The following PLEKHA6 variants were observed in gnomAD, a reference collection of about 807,000 sequenced individuals.
The protein encoded by PLEKHA6 is pleckstrin homology domain-containing family A member 6.
A neutral mutation model predicts 116.7 loss-of-function variants in PLEKHA6; 60 were observed. That is an observed-to-expected ratio of 0.51 (90% CI 0.42 to 0.64). The LOEUF is 0.64. PLEKHA6 is among the 30% of genes least tolerant of loss of function. The probability of loss-of-function intolerance (pLI) is 0.00; values close to 1 mark genes in which losing one functional copy is unlikely to be tolerated. For missense variants in PLEKHA6, 1,338 were observed against 1,422.7 expected (o/e 0.94, Z 0.96); for synonymous variants, 489 against 556.1 (o/e 0.88, Z 1.70).
At chr1:204,299,366 A>G (rs1670592224) in intron 1 of PLEKHA6, among the ~76,000 whole-genome samples, 1 of 152,226 alleles carries the variant, frequency 6.6e-6, no homozygotes, top group South Asian at 2.1e-4. Flanking sequence ...AGGAAGAAAG[A>G]GGAGGGTCAG....
rs762996163 is a variant in PLEKHA6 at position 204,264,994 on chromosome 1, CG to C, written c.328del (p.Arg110GlyfsTer2). ...GTCTGAGGGCTGCACTGCGGCTACC[CG>C]GAAGCTCAGGAGGGGGATGCTGCCC... ...ILGSIPLLSF[R>X]VAAVQPSDNI... On this transcript the variant is annotated frameshift_variant, in exon 6 of 23. Transcript: ENST00000272203. LOFTEE classifies it high-confidence loss of function. 6.2e-7 allele frequency: 1 copy of C among 1,614,152 alleles called. No individual in the cohort carries two copies. The highest frequency in any genetic ancestry group is 1.1e-5 in the South Asian group (1 of 91,084).
Position 204,357,319 on chromosome 1 carries a change from G to C in PLEKHA6, c.-95+2375C>G, listed in dbSNP as rs1230448757. Among the ~76,000 whole-genome samples the C allele has an allele frequency of 3.9e-5, 6 of 152,350 alleles. No individual in the cohort carries two copies. The East Asian group carries it at 9.6e-4, about 24-fold the overall frequency. On this transcript the variant is annotated intron_variant, in intron 1 of 22. Coordinates refer to ENST00000272203, the MANE Select transcript of PLEKHA6 (RefSeq NM_014935.5). ...CTGGATGTGGAGGGAGTCTGGACTA[G>C]ATAGTCTCTGAGGGGCGTCTGAAGG...
chr1:204,297,258 A>C, intron 1 of PLEKHA6: 1 of 935,958 alleles, frequency 1.1e-6, no homozygotes, highest in Non-Finnish European at 1.3e-6. Flanking sequence ...ACATGGATAC[A>C]TGGAGTGTCT....
In PLEKHA6 at chr1:204,259,728, T is replaced by C. The variant is rs779974718; in HGVS notation, c.537A>G (p.Pro179=). The C allele has an allele frequency of 1.8e-5, 29 of 1,609,524 alleles. No homozygotes were observed. The highest frequency in any genetic ancestry group is 2.3e-5 in the Non-Finnish European group (27 of 1,177,454). ...TGCTGGGTGGGACGTTCTCCGAGTC[T>C]GGCTTCTCATGGCTGCAGGATGCCA... ...PQAVRHSHEK[P]DSENVPPSKH... is the part of the protein sequence containing the mutation. The change falls in exon 8 of 23, where the codon CCA becomes CCG. Residue 179 remains proline, a synonymous_variant. Coordinates refer to ENST00000272203, the MANE Select transcript of PLEKHA6 (RefSeq NM_014935.5). This position sits in a 1 kb window ranked among gnomAD's most constrained non-coding sequence, Gnocchi z 4.6.
In PLEKHA6 at chr1:204,261,451, G is replaced by A; in HGVS notation, c.382-3C>T. The stretch of plus-strand genomic sequence containing the variant: ...GTGCGGACCCCGGCATGCTCAGCCT[G>A]TGGGGAGAGGCAGCGTGTGGAGCTG... On this transcript the variant is annotated splice_region_variant and splice_polypyrimidine_tract_variant and intron_variant, in intron 6 of 22. Transcript: ENST00000272203. The surrounding 1 kb of genome is among the most constrained non-coding windows in gnomAD (Gnocchi z 4.0). 5 of 1,606,036 alleles carry A rather than the reference G, an allele frequency of 3.1e-6. No homozygotes were observed. The highest frequency in any genetic ancestry group is 4.3e-6 in the Non-Finnish European group (5 of 1,175,056).
At chr1:204,271,675 T>A (rs1667466342) in intron 3 of PLEKHA6, among the ~76,000 whole-genome samples, 1 of 152,192 alleles carries the variant, frequency 6.6e-6, no homozygotes, top group African/African-American at 2.4e-5. Flanking sequence ...CTCCTATCTT[T>A]CTGCCACAGC....
intron 1 of PLEKHA6, among the ~76,000 whole-genome samples, chr1:204,339,430 G>C (rs1478549261): frequency 6.6e-6 from 1 of 152,352 alleles, no homozygotes; most frequent in East Asian, 1.9e-4. Flanking sequence ...AACCTGGGCT[G>C]TTACTAGGGA....
intron 1 of PLEKHA6, chr1:204,275,106 G>C (rs1445472362): frequency 5.3e-6 from 1 of 189,782 alleles, no homozygotes. Flanking sequence ...GTTATCCTAA[G>C]TGTGGGGAAG....
chr1:204,321,675 C>T (rs1293326019), intron 1 of PLEKHA6, among the ~76,000 whole-genome samples: 1 of 152,194 alleles, frequency 6.6e-6, no homozygotes, highest in African/African-American at 2.4e-5. Flanking sequence ...CCACTCTGTG[C>T]ATCTGATCTT....
upstream of PLEKHA6, among the ~76,000 whole-genome samples, chr1:204,362,774 C>G (rs940635943): frequency 3.9e-5 from 6 of 152,192 alleles, no homozygotes; most frequent in African/African-American, 1.4e-4. Flanking sequence ...CTCCATCTCC[C>G]AGGCTCAAGC....
intron 1 of PLEKHA6, among the ~76,000 whole-genome samples, chr1:204,288,517 T>G (rs1485903929): frequency 6.6e-6 from 1 of 152,152 alleles, no homozygotes; most frequent in Admixed American, 6.5e-5. Flanking sequence ...GGCGGGCCAA[T>G]AGAGGAACTG....
intron 1 of PLEKHA6, 40 bp from the exon 2 acceptor site, chr1:204,274,849 G>C: frequency 1.0e-6 from 1 of 985,924 alleles, no homozygotes; most frequent in Non-Finnish European, 1.2e-6. Context: ...TAAAGATGAA[G>C]AAGGCAGAGA....
intron 1 of PLEKHA6, among the ~76,000 whole-genome samples, chr1:204,349,539 T>TC (rs1316135594): frequency 4.5e-5 from 2 of 44,586 alleles, no homozygotes; most frequent in Non-Finnish European, 9.3e-5. Flanking sequence ...GGACTCCATC[T>TC]CAAAAAAAAA....
At position 204,277,168 on chromosome 1, in the gene PLEKHA6, C is replaced by T. The variant is rs543038371; in HGVS notation, c.-94-2359G>A. The stretch of plus-strand genomic sequence containing the variant: ...GATGCAGAGTGATTGGTGGCAGAGT[C>T]TCTAGCAGTTCTCCCTCCTCCTGGC... On this transcript the variant is annotated intron_variant, in intron 1 of 22. Transcript: ENST00000272203. The surrounding 1 kb of genome is among the most constrained non-coding windows in gnomAD (Gnocchi z 4.1). 3.9e-5 allele frequency: 6 copies of T among 152,828 alleles called. No individual in the cohort carries two copies. Among genetic ancestry groups the T allele is most frequent in the African/African-American group, 1.4e-4 (6 of 41,578 alleles). The allele number at this position is 152,828 out of a possible 1,614,324, so 9.5% of individuals were successfully genotyped here.
intron 1 of PLEKHA6, among the ~76,000 whole-genome samples, chr1:204,331,561 A>C (rs1166909269): frequency 6.6e-6 from 1 of 152,218 alleles, no homozygotes; most frequent in Non-Finnish European, 1.5e-5. Flanking sequence ...AAAAGGGGAC[A>C]GAGAGTTCAG....
chr1:204,335,179 T>TC (rs1672597835), intron 1 of PLEKHA6, among the ~76,000 whole-genome samples: 1 of 152,002 alleles, frequency 6.6e-6, no homozygotes, highest in Non-Finnish European at 1.5e-5. Flanking sequence ...CCCCTTGGCC[T>TC]CCCAAGGGTT....
intron 1 of PLEKHA6, chr1:204,346,644 A>T: frequency 1.5e-6 from 1 of 648,360 alleles, no homozygotes; most frequent in Non-Finnish European, 2.7e-6. Flanking sequence ...TCACTTCCCA[A>T]TGTGGCCATG....
In PLEKHA6 at chr1:204,312,228, C is replaced by T. The variant is rs149257833; in HGVS notation, c.-94-37419G>A. ...CTTCCATGACAGTCGATCATCTCTG[C>T]CAACCTCACTCTGTCCCTGAAATGT... On this transcript the variant is annotated intron_variant, in intron 1 of 22. Coordinates refer to ENST00000272203, the MANE Select transcript of PLEKHA6 (RefSeq NM_014935.5). 8.9e-3 allele frequency among the ~76,000 whole-genome samples: 1,353 copies of T among 152,306 alleles called. 19 individuals carry two copies. The highest frequency in any genetic ancestry group is 0.011 in the Non-Finnish European group (782 of 68,030).
chr1:204,228,815 A>C lies in PLEKHA6; in HGVS notation c.2798T>G (p.Leu933Arg), dbSNP rs747730684. ...AGGGCTCAGGGGAGTGTCAGGCTCC[A>C]GGTCAATGTACCGTTCAGGGATGAG... ...KVLIPERYID[L>R]EPDTPLSPEE... The change falls in exon 20 of 23, where the codon CTG becomes CGG. Residue 933 changes from leucine to arginine, a missense_variant. Coordinates refer to ENST00000272203, the MANE Select transcript of PLEKHA6 (RefSeq NM_014935.5). The surrounding 1 kb of genome is among the most constrained non-coding windows in gnomAD (Gnocchi z 4.0). The C allele has an allele frequency of 2.5e-6, 4 of 1,613,984 alleles. No individual in the cohort carries two copies. In the East Asian group the frequency reaches 6.7e-5, roughly 27 times the overall value.
Sources: gnomAD v4.1 joint callset for allele counts (sites outside exome capture counted in the v4.1 genomes callset) on GRCh38, gnomAD v4.1.1 for gene constraint, Gnocchi (gnomAD v3.1) non-coding constraint, MANE v1.5 for transcripts, NCBI Gene and HGNC (gene_info 2026-07-23, HGNC 2026-07-21) for gene names.